Variants in FANCM observed in about 807,000 individuals in gnomAD.
The protein encoded by FANCM is Fanconi anemia group M protein.
In FANCM, 140 loss-of-function variants were observed where a neutral mutation model predicts 199.5. The ratio of observed to expected loss-of-function variants is 0.70; its 90% CI spans 0.61 to 0.81. The LOEUF is 0.81. FANCM is among the 30% of genes least tolerant of loss of function. FANCM has a pLI of 0.00. For missense variants in FANCM, 2,410 were observed against 2,421.4 expected, an observed-to-expected ratio of 1.00 and a Z score of 0.10; for synonymous variants, 840 against 836.8, an observed-to-expected ratio of 1.00 and a Z score of -0.07.
chr14:45,153,649 A>G (rs1414984972), intron 5 of FANCM, among the ~76,000 whole-genome samples: 1 of 152,074 alleles, frequency 6.6e-6, no homozygotes, highest in Admixed American at 6.6e-5. Flanking sequence ...TTTACTTATT[A>G]TTTTTAAAAT....
chr14:45,184,618 G>A (rs919669120), intron 17 of FANCM, among the ~76,000 whole-genome samples: 6 of 140,920 alleles, frequency 4.3e-5, no homozygotes, highest in African/African-American at 1.3e-4. Context: ...CCAAGATTGC[G>A]CCACTGCACT....
At chr14:45,196,844 T>C (rs1182543546) in intron 21 of FANCM, among the ~76,000 whole-genome samples, 1 of 152,148 alleles carries the variant, frequency 6.6e-6, no homozygotes, top group East Asian at 1.9e-4. Flanking sequence ...GGAGAAGTAG[T>C]ATTCGGGAGA....
Position 45,189,248 on chromosome 14 carries a change from T to A in FANCM, c.5226T>A (p.Ile1742=), listed in dbSNP as rs760364561. ...KQTSLNLKDT[I]SEVSDFKPQN... is the part of the protein sequence containing the mutation. ...CATCGCTGAATTTAAAGGATACAATTTCCGAAGTCTCAGACTTCAAACCTC... is the reference window on the plus strand; with the variant it reads ...CATCGCTGAATTTAAAGGATACAATATCCGAAGTCTCAGACTTCAAACCTC... Residue 1742 remains isoleucine (I), a synonymous_variant, in exon 20 of 23, where the codon ATT becomes ATA. Coordinates refer to ENST00000267430, the MANE Select transcript of FANCM (RefSeq NM_020937.4). The A allele has an allele frequency of 6.2e-7, 1 of 1,613,970 alleles. No individual in the cohort carries two copies. The highest frequency in any genetic ancestry group is 8.5e-7 in the Non-Finnish European group (1 of 1,179,874).
Position 45,176,321 on chromosome 14 carries a change from A to G in FANCM, c.3567A>G (p.Glu1189=), listed in dbSNP as rs923480918. The G allele has an allele frequency of 6.2e-7, 1 of 1,613,912 alleles. No individual in the cohort carries two copies. Among genetic ancestry groups the G allele is most frequent in the Non-Finnish European group, 8.5e-7 (1 of 1,179,980 alleles). ...SDELLLDNNS[E]LQDQITRDAN... Reference sequence around the variant, plus strand: ...AACTTTTGTTGGACAATAATTCTGAACTCCAAGATCAAATCACCCGTGATG... The same window carrying G: ...AACTTTTGTTGGACAATAATTCTGAGCTCCAAGATCAAATCACCCGTGATG... The change falls in exon 14 of 23, where the codon GAA becomes GAG. Residue 1189 remains glutamate, a synonymous_variant. Coordinates refer to ENST00000267430, the MANE Select transcript of FANCM (RefSeq NM_020937.4).
At chr14:45,141,887 CCCAGGAG>C (rs1885993965) in intron 3 of FANCM, among the ~76,000 whole-genome samples, 1 of 151,954 alleles carries the variant, frequency 6.6e-6, no homozygotes, top group African/African-American at 2.4e-5. Context: ...CTATGCCCAG[CCCAGGAG>C]TTTCTTTAAG....
At chr14:45,167,488 T>A (rs1888068526) in intron 11 of FANCM, 1 of 285,132 alleles carries the variant, frequency 3.5e-6, no homozygotes, top group Admixed American at 4.9e-5. Flanking sequence ...GCGCTGAAGA[T>A]AATGTACTAA....
intron 10 of FANCM, among the ~76,000 whole-genome samples, chr14:45,165,439 T>G (rs1887903377): frequency 1.3e-5 from 2 of 152,026 alleles, no homozygotes; most frequent in South Asian, 4.2e-4. Flanking sequence ...TCCCAGCTAC[T>G]TGGGAGTCTG....
chr14:45,187,283 A>C (rs931675733), intron 18 of FANCM, among the ~76,000 whole-genome samples: 1 of 148,788 alleles, frequency 6.7e-6, no homozygotes, highest in Non-Finnish European at 1.5e-5. Context: ...AGTACCTTTC[A>C]TTATATTATA....
At position 45,164,578 on chromosome 14, in the gene FANCM, G is replaced by A. The variant is rs187799705; in HGVS notation, c.1788+13G>A. 2 of 1,587,776 alleles carry A rather than the reference G, an allele frequency of 1.3e-6. No individual in the cohort carries two copies. The highest frequency in any genetic ancestry group is 4.5e-5 in the East Asian group (2 of 44,578). The stretch of plus-strand genomic sequence containing the variant: ...ACGAGAGGAACGTGTAAGTAGAGCT[G>A]CAGAAACACAATTTGACACTTGAAA... On this transcript the variant is annotated intron_variant, in intron 10 of 22. Coordinates refer to ENST00000267430, the MANE Select transcript of FANCM (RefSeq NM_020937.4).
chr14:45,162,365 T>C (rs1887667389), intron 9 of FANCM, among the ~76,000 whole-genome samples: 1 of 152,200 alleles, frequency 6.6e-6, no homozygotes, highest in Non-Finnish European at 1.5e-5. Context: ...TTAATGCTTT[T>C]CAAACTATTG....
intron 21 of FANCM, 84 bp from the exon 22 acceptor site, chr14:45,198,560 G>GTT: frequency 4.4e-6 from 4 of 902,134 alleles, no homozygotes; most frequent in Admixed American, 2.5e-5. Context: ...GTAGATCTTG[G>GTT]GATTTTAATA....
chr14:45,148,843 C>G lies in FANCM; in HGVS notation c.766C>G (p.Gln256Glu), dbSNP rs1358526669. The G allele has an allele frequency of 6.2e-7, 1 of 1,605,934 alleles. No homozygotes were observed. The highest frequency in any genetic ancestry group is 2.2e-5 in the East Asian group (1 of 44,776). ...CTTAATTGATTTCATATAGGCTGTGCAACAAGTTATTACTAACCTGCTAAT... is the reference window on the plus strand; with the variant it reads ...CTTAATTGATTTCATATAGGCTGTGGAACAAGTTATTACTAACCTGCTAAT... ...ATPGSDIKAV[Q>E]QVITNLLIGQ... The change falls in exon 4 of 23, where the codon CAA becomes GAA. Residue 256 changes from glutamine to glutamate, a missense_variant. By Grantham distance (29) the Gln-to-Glu change is conservative (BLOSUM62 2). Transcript: ENST00000267430.
At chr14:45,170,080 T>G (rs560248191) in intron 11 of FANCM, among the ~76,000 whole-genome samples, 1 of 152,294 alleles carries the variant, frequency 6.6e-6, no homozygotes, top group African/African-American at 2.4e-5. Flanking sequence ...ATGCCAGGTC[T>G]TAGGCAACCA....
chr14:45,161,215 A>G (rs1887581819), intron 9 of FANCM, among the ~76,000 whole-genome samples: 1 of 152,220 alleles, frequency 6.6e-6, no homozygotes, highest in South Asian at 2.1e-4. Context: ...TAATATTTTA[A>G]AGTATGCCAA....
chr14:45,141,287 CAAAAA>C (rs534567010), intron 3 of FANCM, among the ~76,000 whole-genome samples: 15 of 45,066 alleles, frequency 3.3e-4, no homozygotes, highest in Non-Finnish European at 5.6e-4. Flanking sequence ...GGCTCCGTCT[CAAAAA>C]AAAAAAAAAA....
chr14:45,153,750 A>G (rs1886982567), intron 5 of FANCM, among the ~76,000 whole-genome samples, 170 bp from the exon 6 acceptor site: 1 of 152,238 alleles, frequency 6.6e-6, no homozygotes, highest in African/African-American at 2.4e-5. Flanking sequence ...AACATCCTAT[A>G]AGATGACATT....
At chr14:45,198,497 A>T (rs989515430) in intron 21 of FANCM, 147 bp from the exon 22 acceptor site, 3 of 520,114 alleles carry the variant, frequency 5.8e-6, no homozygotes, top group East Asian at 3.0e-5. Context: ...TTTGAGAAAC[A>T]TTAGTTGTAG....
In FANCM at chr14:45,153,859, G is replaced by T. The variant is rs927689653; in HGVS notation, c.1051-61G>T. On this transcript the variant is annotated intron_variant, in intron 5 of 22. Coordinates refer to ENST00000267430, the MANE Select transcript of FANCM (RefSeq NM_020937.4). ...CACTGACTATGGCCTGACAACTTGG[G>T]CATGGAGCATGTATGTTCATTTATT... 8.2e-6 allele frequency: 11 copies of T among 1,343,120 alleles called. No homozygotes were observed. The Admixed American group carries it at 1.3e-4, about 16-fold the overall frequency. 83.2% of individuals were successfully genotyped at this position (1,343,120 alleles called of 1,614,324 possible).
In FANCM at chr14:45,136,176, C is replaced by T; in HGVS notation, c.145C>T (p.Gln49Ter). The T allele has an allele frequency of 6.2e-7, 1 of 1,614,196 alleles. No individual in the cohort carries two copies. The highest frequency in any genetic ancestry group is 8.5e-7 in the Non-Finnish European group (1 of 1,180,034). ...GCCTTTGCCAGCAGCAGCGGAGGCT[C>T]AGCTGGAGTCGGACGATGATGTGTT... ...KAPLPAAAEAQLESDDDVLLV... is the reference protein window; with the variant it reads ...KAPLPAAAEA The change falls in exon 1 of 23, where the codon CAG (glutamine) becomes TAG (stop). Residue 49 changes from glutamine (Q) to a stop codon, truncating the protein, a stop_gained. Coordinates refer to ENST00000267430, the MANE Select transcript of FANCM (RefSeq NM_020937.4). LOFTEE classifies it high-confidence loss of function.
Sources: gnomAD v4.1 joint callset for allele counts (sites outside exome capture counted in the v4.1 genomes callset) on GRCh38, gnomAD v4.1.1 for gene constraint, MANE v1.5 for transcripts, NCBI Gene and HGNC (gene_info 2026-07-23, HGNC 2026-07-21) for gene names.